GPR37: variants seen among roughly 807,000 people sequenced by gnomAD.
GPR37 encodes G protein-coupled receptor 37.
In GPR37, 20 loss-of-function variants were observed where a neutral mutation model predicts 43.6. The observed-to-expected ratio is 0.46, with a 90% CI of 0.32 to 0.67. The LOEUF (loss-of-function observed/expected upper bound fraction) is 0.67. Ranked by LOEUF, GPR37 falls within the 30% of genes least tolerant of loss-of-function variation. GPR37 has a pLI of 0.03. For missense variants in GPR37, 724 were observed against 797.2 expected (o/e 0.91, Z 1.11); for synonymous variants, 315 against 322.6 (o/e 0.98, Z 0.25).
chr7:124,753,952 A>G (rs960650069), intron 1 of GPR37, among the ~76,000 whole-genome samples: 5 of 152,110 alleles, frequency 3.3e-5, no homozygotes, highest in African/African-American at 7.2e-5. Context: ...AAGTTACATG[A>G]CAACAATGAC....
Position 124,764,983 on chromosome 7 carries a change from G to A in GPR37, c.-7C>T. 6.8e-7 allele frequency: 1 copy of A among 1,463,266 alleles called. No homozygotes were observed. The highest frequency in any genetic ancestry group is 9.0e-7 in the Non-Finnish European group (1 of 1,112,630). The allele number at this position is 1,463,266 out of a possible 1,614,324, so 90.6% of individuals were successfully genotyped here. On this transcript the variant is annotated 5_prime_UTR_variant, in exon 1 of 2. Transcript: ENST00000303921. The surrounding 1 kb of genome is among the most constrained non-coding windows in gnomAD (Gnocchi z 5.4). ...GCGCGCCCGGGGCTCGCATGGCTTG[G>A]TGAGGGCACACCCGGCAGCCGCAGC...
intron 1 of GPR37, among the ~76,000 whole-genome samples, chr7:124,749,867 C>G (rs1793712822): frequency 1.3e-5 from 2 of 152,068 alleles, no homozygotes; most frequent in Admixed American, 6.6e-5. Flanking sequence ...CAGAATGTCT[C>G]CCATAAACAT....
chr7:124,757,357 C>G lies in GPR37; in HGVS notation c.1023+6597G>C, dbSNP rs190409497. Among the ~76,000 whole-genome samples, 797 of 152,196 alleles carry G rather than the reference C, an allele frequency of 5.2e-3. 9 individuals are homozygous for G. Among genetic ancestry groups the G allele is most frequent in the Middle Eastern group, 0.024 (7 of 294 alleles). On this transcript the variant is annotated intron_variant, in intron 1 of 1. Transcript: ENST00000303921. ...CTAATTGTAAAGCAGAGATAGATAT[C>G]CTAGGCACTGGCACAAATTCCATAT...
intron 1 of GPR37, among the ~76,000 whole-genome samples, chr7:124,753,831 C>T (rs369042165): frequency 1.3e-5 from 2 of 152,182 alleles, no homozygotes; most frequent in East Asian, 3.9e-4. Flanking sequence ...TTTTGTCCCT[C>T]TGTTAAACAT....
intron 1 of GPR37, among the ~76,000 whole-genome samples, chr7:124,760,797 AT>A (rs1360003134): frequency 1.3e-5 from 2 of 152,174 alleles, no homozygotes; most frequent in Non-Finnish European, 2.9e-5. Context: ...TGAGCTTCAA[AT>A]TTCATCTTTA....
intron 1 of GPR37, among the ~76,000 whole-genome samples, chr7:124,753,856 G>A (rs539188034): frequency 1.2e-4 from 18 of 152,064 alleles, no homozygotes; most frequent in African/African-American, 4.1e-4. Context: ...TTATGAGATC[G>A]TGAGTCCCAA....
intron 1 of GPR37, among the ~76,000 whole-genome samples, chr7:124,752,785 A>G (rs1278268859): frequency 1.3e-5 from 2 of 152,134 alleles, no homozygotes; most frequent in Non-Finnish European, 2.9e-5. Context: ...TAACCTTGTG[A>G]TTGTCAGTTT....
Position 124,746,540 on chromosome 7 carries a change from G to C in GPR37, c.1827C>G (p.Val609=). 1 of 1,603,910 alleles carries C rather than the reference G, an allele frequency of 6.2e-7. No individual in the cohort carries two copies. The highest frequency in any genetic ancestry group is 1.3e-5 in the African/African-American group (1 of 74,782). The change falls in exon 2 of 2, where the codon GTC becomes GTG. Residue 609 remains valine, a synonymous_variant. Transcript: ENST00000303921. ...IRREMSTFAS[V]GTHC is the part of the protein sequence containing the mutation. ...GTACTGTCCTTCAGCAATGAGTTCC[G>C]ACAGAAGCAAAAGTGGACATTTCAC...
rs1793665564 is a variant in GPR37, at chr7:124,745,951, T to C, written c.*574A>G. On this transcript the variant is annotated 3_prime_UTR_variant, in exon 2 of 2. Transcript: ENST00000303921. ...ATTACCTGCCTTAAAAGAAAATACGTTATAAAACAGTAAGGCCGGTTTTAA... is the reference window on the plus strand; with the variant it reads ...ATTACCTGCCTTAAAAGAAAATACGCTATAAAACAGTAAGGCCGGTTTTAA... 6.6e-6 allele frequency: 1 copy of C among 152,160 alleles called. No individual in the cohort carries two copies. The allele number at this position is 152,160 out of a possible 1,614,324, so 9.4% of individuals were successfully genotyped here.
chr7:124,751,563 A>C (rs1452277504), intron 1 of GPR37, among the ~76,000 whole-genome samples: 1 of 152,180 alleles, frequency 6.6e-6, no homozygotes, highest in Non-Finnish European at 1.5e-5. Context: ...AAATTCCTAG[A>C]TATTGGAGCA....
At chr7:124,748,832 A>T (rs1793702689) in intron 1 of GPR37, among the ~76,000 whole-genome samples, 1 of 152,108 alleles carries the variant, frequency 6.6e-6, no homozygotes, top group African/African-American at 2.4e-5. Flanking sequence ...AAAAATATGT[A>T]CCTATTTTTT....
At chr7:124,758,647 G>C (rs944544129) in intron 1 of GPR37, among the ~76,000 whole-genome samples, 1 of 152,198 alleles carries the variant, frequency 6.6e-6, no homozygotes, top group Non-Finnish European at 1.5e-5. Flanking sequence ...AGAGCCATTT[G>C]TTCCACTCAA....
chr7:124,763,774 G>A (rs950652584), intron 1 of GPR37, among the ~76,000 whole-genome samples, 180 bp downstream of exon 1: 2 of 152,058 alleles, frequency 1.3e-5, no homozygotes, highest in South Asian at 2.1e-4. Flanking sequence ...GTGATTTCGC[G>A]AAGCTGCCTC....
intron 1 of GPR37, among the ~76,000 whole-genome samples, chr7:124,749,178 T>C (rs2116310482): frequency 6.6e-6 from 1 of 152,246 alleles, no homozygotes; most frequent in African/African-American, 2.4e-5. Context: ...AAATTTTAAG[T>C]AATTTAATAT....
chr7:124,750,029 A>C (rs1793714496), intron 1 of GPR37, among the ~76,000 whole-genome samples: 1 of 152,164 alleles, frequency 6.6e-6, no homozygotes, highest in Admixed American at 6.6e-5. Flanking sequence ...AATTCTAAAA[A>C]TGAGGTCCAC....
At position 124,765,073 on chromosome 7, in the gene GPR37, T is replaced by C. The variant is rs1212813227; in HGVS notation, c.-97A>G. 6.1e-6 allele frequency: 7 copies of C among 1,157,004 alleles called. No homozygotes were observed. In the African/African-American group the frequency reaches 9.6e-5, roughly 16 times the overall value. 71.7% of individuals were successfully genotyped at this position (1,157,004 alleles called of 1,614,324 possible). ...TGCTGAGAGTTAGGCACATGTCACA[T>C]ACTCACCCCCGCCCGGGTAGCGGGG... On this transcript the variant is annotated 5_prime_UTR_variant, in exon 1 of 2. The change abolishes an upstream ATG in the 5' untranslated region. Transcript: ENST00000303921.
In GPR37 at chr7:124,764,100, G is replaced by A; in HGVS notation, c.877C>T (p.Arg293Trp). ...MCIVCHNYYM[R>W]SISNSLLANL... ...GCCAAGAGGGAGTTGGAGATGCTCC[G>A]CATGTAGTAGTTGTGGCACACGATG... is the stretch of plus-strand genomic sequence containing the variant. Residue 293 changes from arginine (R) to tryptophan (W), a missense_variant, in exon 1 of 2, where the codon CGG (arginine) becomes TGG (tryptophan). Arg to Trp is a moderately radical substitution (Grantham distance 101). Coordinates refer to ENST00000303921, the MANE Select transcript of GPR37 (RefSeq NM_005302.5). This position sits in a 1 kb window ranked among gnomAD's most constrained non-coding sequence, Gnocchi z 5.4. 2 of 1,613,756 alleles carry A rather than the reference G, an allele frequency of 1.2e-6. No individual in the cohort carries two copies. Among genetic ancestry groups the A allele is most frequent in the Non-Finnish European group, 1.7e-6 (2 of 1,179,834 alleles).
chr7:124,762,125 AAAGT>A (rs757792700), intron 1 of GPR37, among the ~76,000 whole-genome samples: 62 of 152,304 alleles, frequency 4.1e-4, no homozygotes, highest in Middle Eastern at 3.4e-3. Flanking sequence ...CAAATGAAAG[AAAGT>A]ATTACATTTG....
In GPR37 at chr7:124,764,085, A is replaced by G. The variant is rs774673458; in HGVS notation, c.892T>C (p.Ser298Pro). 6.2e-7 allele frequency: 1 copy of G among 1,614,128 alleles called. No individual in the cohort carries two copies. The highest frequency in any genetic ancestry group is 1.1e-5 in the South Asian group (1 of 91,078). The change falls in exon 1 of 2, where the codon TCC (serine) becomes CCC (proline). Residue 298 changes from serine (S) to proline (P), a missense_variant. This residue lies in a region of GPR37 where 342 missense variants were observed against 441.8 expected (regional missense o/e 0.77). Transcript: ENST00000303921. The surrounding 1 kb of genome is among the most constrained non-coding windows in gnomAD (Gnocchi z 5.4). ...CAGAAGGCCAGGTTGGCCAAGAGGG[A>G]GTTGGAGATGCTCCGCATGTAGTAG... ...HNYYMRSISN[S>P]LLANLAFWDF...
Sources: gnomAD v4.1 joint callset for allele counts (sites outside exome capture counted in the v4.1 genomes callset) on GRCh38, gnomAD v4.1.1 for gene constraint, gnomAD v4.1.1 regional missense constraint, Gnocchi (gnomAD v3.1) non-coding constraint, MANE v1.5 for transcripts, NCBI Gene and HGNC (gene_info 2026-07-23, HGNC 2026-07-21) for gene names.